SCHIP1: variants seen among roughly 807,000 people sequenced by gnomAD.
SCHIP1 encodes schwannomin-interacting protein 1.
A neutral mutation model predicts 29.7 loss-of-function variants in SCHIP1; 8 were observed. The ratio of observed to expected loss-of-function variants is 0.27; its 90% CI spans 0.16 to 0.49. The LOEUF (loss-of-function observed/expected upper bound fraction) is 0.49. Among genes scored for constraint, SCHIP1 ranks in the 20% least tolerant of loss-of-function variants. The pLI, the probability that SCHIP1 is intolerant of heterozygous loss-of-function variation, is 0.99. For missense variants in SCHIP1, 193 were observed against 294.6 expected, an observed-to-expected ratio of 0.66 and a Z score of 2.52; for synonymous variants, 76 against 94.9, an observed-to-expected ratio of 0.80 and a Z score of 1.16.
chr3:159,548,904 G>C, the SCHIP1 span, among the ~76,000 whole-genome samples: 1 of 152,050 alleles, frequency 6.6e-6, no homozygotes, highest in Admixed American at 6.6e-5. Context: ...TTTCTTTTCT[G>C]TTGAAAATGG....
At chr3:159,478,865 T>C in the SCHIP1 span, among the ~76,000 whole-genome samples, 2 of 152,136 alleles carry the variant, frequency 1.3e-5, no homozygotes, top group East Asian at 3.9e-4. Context: ...GGATCATTTA[T>C]TACTAGTATA....
chr3:159,890,931 A>G (rs1406394584), intron 5 of SCHIP1, among the ~76,000 whole-genome samples: 1 of 152,224 alleles, frequency 6.6e-6, no homozygotes, highest in East Asian at 1.9e-4. Context: ...AGCTCTTGCT[A>G]AATGGGTACT....
At chr3:159,720,697 G>A in the SCHIP1 span, among the ~76,000 whole-genome samples, 100 of 151,982 alleles carry the variant, frequency 6.6e-4, 1 homozygote, top group African/African-American at 1.8e-3. Context: ...CAATCCTCCC[G>A]CCTCAGCCTC....
chr3:159,804,369 G>A, the SCHIP1 span, among the ~76,000 whole-genome samples: 1 of 152,140 alleles, frequency 6.6e-6, no homozygotes, highest in Non-Finnish European at 1.5e-5. Context: ...AAATATAATT[G>A]TGATCAATAC....
chr3:159,732,130 G>A, the SCHIP1 span, among the ~76,000 whole-genome samples: 1 of 152,352 alleles, frequency 6.6e-6, no homozygotes, highest in South Asian at 2.1e-4. Flanking sequence ...ACAGGCGTGA[G>A]CCACCACGCC....
At chr3:159,477,750 T>C in the SCHIP1 span, among the ~76,000 whole-genome samples, 1 of 152,166 alleles carries the variant, frequency 6.6e-6, no homozygotes, top group East Asian at 1.9e-4. Flanking sequence ...GTTAATTGTT[T>C]CCTTTGCTGT....
the SCHIP1 span, among the ~76,000 whole-genome samples, chr3:159,368,319 A>G: frequency 1.3e-5 from 2 of 152,134 alleles, no homozygotes; most frequent in African/African-American, 4.8e-5. Context: ...TGGGTAGTCA[A>G]GCTCCATCTC....
At chr3:159,565,935 T>TATA in the SCHIP1 span, among the ~76,000 whole-genome samples, 1 of 152,226 alleles carries the variant, frequency 6.6e-6, no homozygotes, top group African/African-American at 2.4e-5. Flanking sequence ...GGATAATCAC[T>TATA]TACTCTATAT....
the SCHIP1 span, among the ~76,000 whole-genome samples, chr3:159,334,426 T>C: frequency 2.7e-4 from 41 of 152,302 alleles, no homozygotes; most frequent in African/African-American, 9.9e-4. Flanking sequence ...AACTGGTGAT[T>C]TTTAAAAATT....
the SCHIP1 span, among the ~76,000 whole-genome samples, chr3:159,770,345 C>A: frequency 6.6e-6 from 1 of 152,138 alleles, no homozygotes. Flanking sequence ...CTGCCACCTC[C>A]GCCTGCTCAG....
At chr3:159,626,139 T>TCG in the SCHIP1 span, among the ~76,000 whole-genome samples, 236 of 109,988 alleles carry the variant, frequency 2.1e-3, 3 homozygotes, top group Non-Finnish European at 2.3e-3. Context: ...GATAGATAGA[T>TCG]ATATCTAGAT....
the SCHIP1 span, among the ~76,000 whole-genome samples, chr3:159,559,753 T>C: frequency 6.6e-6 from 1 of 152,172 alleles, no homozygotes; most frequent in African/African-American, 2.4e-5. Context: ...TTCCCACCCT[T>C]CAATCTCTGC....
At chr3:159,446,690 G>A in the SCHIP1 span, among the ~76,000 whole-genome samples, 102 of 152,218 alleles carry the variant, frequency 6.7e-4, no homozygotes, top group African/African-American at 2.3e-3. Flanking sequence ...AATGCAAAAC[G>A]CAACCAATAG....
the SCHIP1 span, among the ~76,000 whole-genome samples, chr3:159,498,880 G>A: frequency 7.2e-5 from 11 of 152,122 alleles, no homozygotes; most frequent in Non-Finnish European, 1.3e-4. Context: ...AAATATATAT[G>A]AAATATTCAC....
Position 159,886,086 on chromosome 3 carries a change from C to T in SCHIP1, c.150-121C>T, listed in dbSNP as rs1168576943. On this transcript the variant is annotated intron_variant, in intron 2 of 6. Transcript: ENST00000445224. ...TATGTGGAGAGTAATATTGGTTGCT[C>T]ATTTCTCCATGTGAAGAACACATAA... is the stretch of plus-strand genomic sequence containing the variant. The T allele has an allele frequency of 4.2e-6, 4 of 952,846 alleles. No individual in the cohort carries two copies. In the South Asian group the frequency reaches 6.2e-5, roughly 15 times the overall value. The allele number at this position is 952,846 out of a possible 1,614,324, so 59.0% of individuals were successfully genotyped here. A position where few individuals can be genotyped will look rare whatever the true frequency, so the allele number is the denominator to read the frequency against.
the SCHIP1 span, among the ~76,000 whole-genome samples, chr3:159,781,295 C>A: frequency 2.0e-5 from 3 of 152,132 alleles, no homozygotes; most frequent in Non-Finnish European, 4.4e-5. Flanking sequence ...CCTGCCTCGG[C>A]CTCTCAAGTA....
At chr3:159,295,382 T>G in the SCHIP1 span, among the ~76,000 whole-genome samples, 1 of 150,894 alleles carries the variant, frequency 6.6e-6, no homozygotes, top group South Asian at 2.1e-4. Context: ...TGAGCCGAGA[T>G]CACGCCATTG....
At chr3:159,877,199 A>G (rs535474117) in intron 2 of SCHIP1, among the ~76,000 whole-genome samples, 3 of 152,130 alleles carry the variant, frequency 2.0e-5, no homozygotes, top group Admixed American at 1.3e-4. Context: ...AAAATACAAA[A>G]ATTAGCCAGG....
chr3:159,755,173 T>C, the SCHIP1 span, among the ~76,000 whole-genome samples: 1 of 152,184 alleles, frequency 6.6e-6, no homozygotes, highest in East Asian at 1.9e-4. Flanking sequence ...AGGCGGAGCT[T>C]GCAGTGAGCC....
Sources: allele counts gnomAD v4.1 joint callset (sites outside exome capture counted in the v4.1 genomes callset), GRCh38; gene constraint gnomAD v4.1.1; transcripts MANE v1.5; gene names NCBI Gene and HGNC (gene_info 2026-07-23, HGNC 2026-07-21).